The following SCHIP1 variants were observed in gnomAD, a reference collection of about 807,000 sequenced individuals.
The protein encoded by SCHIP1 is schwannomin interacting protein 1, also known as schwannomin-interacting protein 1.
Under a neutral mutation model 29.7 loss-of-function variants are expected in SCHIP1, and 8 were observed. That is an observed-to-expected ratio of 0.27 (90% confidence interval 0.16 to 0.49). SCHIP1 has a LOEUF of 0.49. SCHIP1 is among the 20% of genes least tolerant of loss of function. The probability of loss-of-function intolerance (pLI) is 0.99; values close to 1 mark genes in which losing one functional copy is unlikely to be tolerated. For missense variants in SCHIP1, 193 were observed against 294.6 expected (o/e 0.66, Z 2.52); for synonymous variants, 76 against 94.9 (o/e 0.80, Z 1.16).
At chr3:159,665,016 G>T in the SCHIP1 span, among the ~76,000 whole-genome samples, 1 of 152,316 alleles carries the variant, frequency 6.6e-6, no homozygotes, top group East Asian at 1.9e-4. Context: ...CAGGAGTGTA[G>T]ACCGAGCTGA....
the SCHIP1 span, among the ~76,000 whole-genome samples, chr3:159,357,619 G>A: frequency 1.3e-5 from 2 of 152,124 alleles, no homozygotes; most frequent in Non-Finnish European, 2.9e-5. Context: ...TGAAACAAAG[G>A]TCCTTTATTC....
At chr3:159,867,379 C>A (rs1259324716) in intron 2 of SCHIP1, among the ~76,000 whole-genome samples, 3 of 152,180 alleles carry the variant, frequency 2.0e-5, no homozygotes, top group African/African-American at 7.2e-5. Context: ...TTTAAAATAT[C>A]TATCTGTATT....
At chr3:159,429,689 A>C in the SCHIP1 span, among the ~76,000 whole-genome samples, 1 of 152,196 alleles carries the variant, frequency 6.6e-6, no homozygotes, top group Non-Finnish European at 1.5e-5. Flanking sequence ...ATTTGCAAAA[A>C]GATAAACACA....
At chr3:159,344,303 A>G in the SCHIP1 span, among the ~76,000 whole-genome samples, 1 of 149,552 alleles carries the variant, frequency 6.7e-6, no homozygotes, top group Admixed American at 6.7e-5. Flanking sequence ...CCAGGGCGAC[A>G]ATAGGGAAAC....
the SCHIP1 span, among the ~76,000 whole-genome samples, chr3:159,295,998 G>C: frequency 2.0e-5 from 3 of 152,148 alleles, no homozygotes; most frequent in African/African-American, 7.2e-5. Context: ...GAAATTATCA[G>C]TGTTCATTTT....
the SCHIP1 span, among the ~76,000 whole-genome samples, chr3:159,682,225 G>A: frequency 8.5e-5 from 13 of 152,242 alleles, no homozygotes; most frequent in East Asian, 2.5e-3. Flanking sequence ...CACATAGTAA[G>A]CACTCAATAA....
chr3:159,445,067 A>ACAGGCAAC, the SCHIP1 span, among the ~76,000 whole-genome samples: 5 of 152,064 alleles, frequency 3.3e-5, no homozygotes, highest in Non-Finnish European at 5.9e-5. Flanking sequence ...AGCAAAAGGA[A>ACAGGCAAC]CTACCATCAG....
At chr3:159,696,272 A>G in the SCHIP1 span, among the ~76,000 whole-genome samples, 1 of 152,106 alleles carries the variant, frequency 6.6e-6, no homozygotes, top group Non-Finnish European at 1.5e-5. Context: ...GACAGTGTGT[A>G]GCTCCTGTAA....
At chr3:159,646,244 C>T in the SCHIP1 span, among the ~76,000 whole-genome samples, 1 of 152,138 alleles carries the variant, frequency 6.6e-6, no homozygotes, top group Non-Finnish European at 1.5e-5. Flanking sequence ...AAGAGAAAAC[C>T]TTCACAAGGT....
At chr3:159,436,135 T>C in the SCHIP1 span, among the ~76,000 whole-genome samples, 1 of 152,142 alleles carries the variant, frequency 6.6e-6, no homozygotes, top group African/African-American at 2.4e-5. Flanking sequence ...ATATTGCTAG[T>C]GATTTAATCA....
the SCHIP1 span, among the ~76,000 whole-genome samples, chr3:159,382,396 T>A: frequency 1.3e-5 from 2 of 151,372 alleles, no homozygotes; most frequent in Non-Finnish European, 2.9e-5. Context: ...CTGAGAATGA[T>A]GATTTCCAAT....
At chr3:159,313,963 G>A in the SCHIP1 span, among the ~76,000 whole-genome samples, 26 of 152,158 alleles carry the variant, frequency 1.7e-4, no homozygotes, top group South Asian at 4.1e-4. Context: ...GGTAAAGTGC[G>A]TGCTTTGCTG....
At chr3:159,731,166 G>A in the SCHIP1 span, among the ~76,000 whole-genome samples, 3 of 152,178 alleles carry the variant, frequency 2.0e-5, no homozygotes, top group South Asian at 2.1e-4. Flanking sequence ...CCTGGCAGAC[G>A]TCAAAGCATT....
chr3:159,434,742 AT>A, the SCHIP1 span, among the ~76,000 whole-genome samples: 2 of 152,222 alleles, frequency 1.3e-5, no homozygotes, highest in African/African-American at 4.8e-5. Flanking sequence ...TTGAGTTTCT[AT>A]TTTGTTTAGC....
chr3:159,360,251 G>C, the SCHIP1 span, among the ~76,000 whole-genome samples: 1 of 152,076 alleles, frequency 6.6e-6, no homozygotes, highest in Non-Finnish European at 1.5e-5. Context: ...CTTCTAAATG[G>C]GGAATGTCAT....
chr3:159,556,162 A>T, the SCHIP1 span, among the ~76,000 whole-genome samples: 1 of 152,308 alleles, frequency 6.6e-6, no homozygotes, highest in East Asian at 1.9e-4. Context: ...AAAACACATG[A>T]AAAAATGCTC....
the SCHIP1 span, among the ~76,000 whole-genome samples, chr3:159,328,524 G>A: frequency 2.8e-5 from 4 of 144,090 alleles, no homozygotes; most frequent in African/African-American, 1.0e-4. Flanking sequence ...CATGATCAGA[G>A]TCTTAAAAGA....
chr3:159,829,171 T>C, the SCHIP1 span, among the ~76,000 whole-genome samples: 1 of 152,142 alleles, frequency 6.6e-6, no homozygotes, highest in Non-Finnish European at 1.5e-5. Flanking sequence ...ATGGGAAAAA[T>C]AATAGGATTG....
chr3:159,283,581 G>A, the SCHIP1 span, among the ~76,000 whole-genome samples: 2 of 151,736 alleles, frequency 1.3e-5, no homozygotes, highest in Admixed American at 6.6e-5. Flanking sequence ...GCGCGATCTT[G>A]GCGTGAGCCA....
Sources: allele counts gnomAD v4.1 joint callset (sites outside exome capture counted in the v4.1 genomes callset), GRCh38; gene constraint gnomAD v4.1.1; transcripts MANE v1.5; gene names NCBI Gene and HGNC (gene_info 2026-07-23, HGNC 2026-07-21).